CCNY: variants seen among roughly 807,000 people sequenced by gnomAD.
CCNY encodes the protein cyclin-Y.
CCNY carries 19 observed loss-of-function variants against 42.8 expected under a neutral mutation model. The observed-to-expected ratio is 0.44, with a 90% CI of 0.31 to 0.65. CCNY has a LOEUF of 0.65. Ranked by LOEUF, CCNY falls within the 30% of genes least tolerant of loss-of-function variation. The probability of loss-of-function intolerance (pLI) is 0.07; values close to 1 mark genes in which losing one functional copy is unlikely to be tolerated. For synonymous variants in CCNY, 165 were observed against 162.7 expected, an observed-to-expected ratio of 1.01 and a Z score of -0.11; for missense variants, 370 against 437.3, an observed-to-expected ratio of 0.85 and a Z score of 1.37.
At chr10:35,557,875 A>G (rs2135456343) in intron 8 of CCNY, among the ~76,000 whole-genome samples, 1 of 152,338 alleles carries the variant, frequency 6.6e-6, no homozygotes, top group East Asian at 1.9e-4. Context: ...TTTGTGTATG[A>G]TGATTATTGA....
intron 7 of CCNY, among the ~76,000 whole-genome samples, chr10:35,537,831 A>G (rs765440839): frequency 5.9e-5 from 9 of 152,094 alleles, no homozygotes; most frequent in Non-Finnish European, 1.0e-4. Flanking sequence ...TTTTTGAGTT[A>G]ATGATGAAAT....
At chr10:35,474,038 C>T (rs914641272) in intron 1 of CCNY, among the ~76,000 whole-genome samples, 21 of 152,192 alleles carry the variant, frequency 1.4e-4, no homozygotes, top group East Asian at 9.6e-4. Context: ...GGGTGACGGA[C>T]GGCACCTGGA....
chr10:35,292,473 G>C (rs1835424210), intron 3 of CCNY, among the ~76,000 whole-genome samples: 1 of 151,966 alleles, frequency 6.6e-6, no homozygotes, highest in Non-Finnish European at 1.5e-5. Context: ...AAGCAATTCT[G>C]CCTCAGCCTC....
chr10:35,423,199 G>T (rs1838195400), intron 1 of CCNY, among the ~76,000 whole-genome samples: 1 of 151,974 alleles, frequency 6.6e-6, no homozygotes, highest in Admixed American at 6.5e-5. Context: ...TTTCGGCCAG[G>T]TGTGGTAGCT....
intron 2 of CCNY, among the ~76,000 whole-genome samples, chr10:35,486,581 C>T (rs897974292): frequency 6.6e-6 from 1 of 152,198 alleles, no homozygotes; most frequent in African/African-American, 2.4e-5. Flanking sequence ...ACAGGACTTC[C>T]CGTGAATCAG....
chr10:35,309,756 A>G (rs1835659623), intron 3 of CCNY, among the ~76,000 whole-genome samples: 2 of 151,858 alleles, frequency 1.3e-5, no homozygotes, highest in Admixed American at 1.3e-4. Flanking sequence ...TTTTATTGAT[A>G]CATGATAGTT....
chr10:35,295,186 T>A (rs533614206), intron 3 of CCNY, among the ~76,000 whole-genome samples: 113 of 151,976 alleles, frequency 7.4e-4, no homozygotes, highest in African/African-American at 2.7e-3. Context: ...GTTATCTAAT[T>A]TGTTGGCATA....
intron 1 of CCNY, among the ~76,000 whole-genome samples, chr10:35,354,038 C>T (rs370208029): frequency 2.2e-4 from 33 of 152,298 alleles, no homozygotes; most frequent in East Asian, 1.4e-3. Flanking sequence ...ATGCAGGCAT[C>T]AGGTGCTCAC....
At chr10:35,416,972 G>C (rs1838038035) in intron 1 of CCNY, among the ~76,000 whole-genome samples, 1 of 152,212 alleles carries the variant, frequency 6.6e-6, no homozygotes, top group South Asian at 2.1e-4. Context: ...CCATCAAACA[G>C]TGAAAGTGTA....
intron 7 of CCNY, among the ~76,000 whole-genome samples, chr10:35,539,414 CT>C (rs1840950872): frequency 6.6e-6 from 1 of 152,176 alleles, no homozygotes; most frequent in East Asian, 1.9e-4. Flanking sequence ...GAATATCTTT[CT>C]ATTTATTTAG....
At chr10:35,471,539 G>A (rs949478026) in intron 1 of CCNY, among the ~76,000 whole-genome samples, 20 of 152,140 alleles carry the variant, frequency 1.3e-4, no homozygotes, top group Admixed American at 1.3e-3. Flanking sequence ...AAGAAAATGA[G>A]GTTGACCAGT....
intron 1 of CCNY, among the ~76,000 whole-genome samples, chr10:35,465,067 G>A (rs1164959735): frequency 6.6e-6 from 1 of 152,130 alleles, no homozygotes; most frequent in Non-Finnish European, 1.5e-5. Context: ...GAGTTCATTT[G>A]CATTTGAGTT....
chr10:35,358,649 C>A (rs566600555), intron 1 of CCNY, among the ~76,000 whole-genome samples: 225 of 152,320 alleles, frequency 1.5e-3, no homozygotes, highest in Non-Finnish European at 2.6e-3. Context: ...CCTGTAGATA[C>A]AACAAGCCAC....
intron 2 of CCNY, among the ~76,000 whole-genome samples, chr10:35,488,706 C>G (rs904844132): frequency 9.2e-5 from 14 of 152,200 alleles, no homozygotes; most frequent in Non-Finnish European, 1.9e-4. Flanking sequence ...CCTATCAAAG[C>G]ACATAATTTC....
intron 3 of CCNY, among the ~76,000 whole-genome samples, chr10:35,288,553 G>A (rs1270970388): frequency 6.6e-6 from 1 of 152,032 alleles, no homozygotes; most frequent in Non-Finnish European, 1.5e-5. Flanking sequence ...CCTAAGAAAT[G>A]TTTGCCTATC....
At chr10:35,271,956 T>C (rs577126300) in intron 3 of CCNY, among the ~76,000 whole-genome samples, 2 of 152,284 alleles carry the variant, frequency 1.3e-5, no homozygotes, top group African/African-American at 4.8e-5. Flanking sequence ...TGCAAACCCA[T>C]GATGACCTAA....
intron 1 of CCNY, among the ~76,000 whole-genome samples, chr10:35,349,090 G>A (rs1420520052): frequency 6.6e-6 from 1 of 152,076 alleles, no homozygotes; most frequent in Non-Finnish European, 1.5e-5. Flanking sequence ...GTGTATCAGC[G>A]GGTTCCACAG....
chr10:35,318,689 T>G (rs968432738), intron 3 of CCNY, among the ~76,000 whole-genome samples: 2 of 151,954 alleles, frequency 1.3e-5, no homozygotes, highest in Non-Finnish European at 2.9e-5. Flanking sequence ...GAAGGATCTG[T>G]TGGTCTATTG....
intron 2 of CCNY, among the ~76,000 whole-genome samples, chr10:35,485,674 G>A (rs978708506): frequency 1.4e-5 from 2 of 147,402 alleles, no homozygotes; most frequent in South Asian, 2.1e-4. Context: ...GCAGTGAGCC[G>A]AGATTGTGCC....
Sources: allele counts gnomAD v4.1 joint callset (sites outside exome capture counted in the v4.1 genomes callset), GRCh38; gene constraint gnomAD v4.1.1; transcripts MANE v1.5; gene names NCBI Gene and HGNC (gene_info 2026-07-23, HGNC 2026-07-21).